The following ATP11A variants were observed in gnomAD, a reference collection of about 807,000 sequenced individuals.
ATP11A encodes ATPase phospholipid transporting 11A, also known as phospholipid-transporting ATPase IH.
A neutral mutation model predicts 154.4 loss-of-function variants in ATP11A; 81 were observed. That is an observed-to-expected ratio of 0.52 (90% CI 0.44 to 0.63). ATP11A has a LOEUF of 0.63. Ranked by LOEUF, ATP11A falls within the 30% of genes least tolerant of loss-of-function variation. ATP11A has a pLI of 0.00. For missense variants in ATP11A, 1,316 were observed against 1,474.3 expected (o/e 0.89, Z 1.76); for synonymous variants, 623 against 585.9 (o/e 1.06, Z -0.91).
At chr13:112,804,461 G>T (rs1309986813) in intron 2 of ATP11A, among the ~76,000 whole-genome samples, 1 of 34,562 alleles carries the variant, frequency 2.9e-5, no homozygotes, top group Non-Finnish European at 5.1e-5. Context: ...TCCCCTCTCT[G>T]CCCTCCTTCC....
At chr13:112,710,811 C>G (rs1274878424) in intron 1 of ATP11A, among the ~76,000 whole-genome samples, 2 of 152,260 alleles carry the variant, frequency 1.3e-5, no homozygotes, top group African/African-American at 2.4e-5. Context: ...AGTCACAGCT[C>G]TGGTTGGTCT....
chr13:112,836,298 G>A (rs761626851), intron 16 of ATP11A, 47 bp downstream of exon 16: 3 of 1,247,428 alleles, frequency 2.4e-6, no homozygotes, highest in South Asian at 1.3e-5. Context: ...CGTGGTGGTT[G>A]TGTTTTATTC....
intron 1 of ATP11A, among the ~76,000 whole-genome samples, chr13:112,712,553 G>A (rs1038306276): frequency 3.3e-5 from 5 of 152,172 alleles, no homozygotes; most frequent in Admixed American, 2.6e-4. Flanking sequence ...AGACAGGCCC[G>A]AAGGACAGGC....
intron 1 of ATP11A, among the ~76,000 whole-genome samples, chr13:112,692,419 A>AG (rs2139437367): frequency 6.6e-6 from 1 of 152,196 alleles, no homozygotes; most frequent in South Asian, 2.1e-4. Flanking sequence ...TCATCTTGGG[A>AG]GGGGGACAGA....
chr13:112,836,985 G>A (rs1186190903), intron 16 of ATP11A, among the ~76,000 whole-genome samples: 1 of 152,174 alleles, frequency 6.6e-6, no homozygotes, highest in East Asian at 1.9e-4. Flanking sequence ...ACAGGTGGAC[G>A]ACCTCGTCTC....
chr13:112,871,135 A>G (rs527451287), intron 25 of ATP11A, among the ~76,000 whole-genome samples: 95 of 152,210 alleles, frequency 6.2e-4, no homozygotes, highest in African/African-American at 2.2e-3. Context: ...CCCCCTCTGC[A>G]TGGGTGCCTG....
rs1225021127 is a variant in ATP11A at position 112,885,978 on chromosome 13, G to C, written c.*4112G>C. 6.6e-6 allele frequency: 1 copy of C among 152,344 alleles called. No homozygotes were observed. The highest frequency in any genetic ancestry group is 1.5e-5 in the Non-Finnish European group (1 of 68,116). 9.4% of individuals were successfully genotyped at this position (152,344 alleles called of 1,614,324 possible). A position where few individuals can be genotyped will look rare whatever the true frequency, so the allele number is the denominator to read the frequency against. ...TTAGGGAGGTCCAGCCTCGCAAGCT[G>C]AAACCTCCCCTCGGCTCAGCCCTAT... On this transcript the variant is annotated 3_prime_UTR_variant, in exon 30 of 30. Coordinates refer to ENST00000375645, the MANE Select transcript of ATP11A (RefSeq NM_015205.3).
intron 2 of ATP11A, among the ~76,000 whole-genome samples, chr13:112,799,353 A>G (rs1014610908): frequency 1.3e-5 from 2 of 152,224 alleles, no homozygotes; most frequent in Non-Finnish European, 2.9e-5. Flanking sequence ...TGTGTGAGCA[A>G]CAAGGCTGTT....
At chr13:112,828,689 T>C (rs1239823367) in intron 12 of ATP11A, among the ~76,000 whole-genome samples, 6 of 152,196 alleles carry the variant, frequency 3.9e-5, no homozygotes, top group Non-Finnish European at 1.5e-5. Flanking sequence ...AAACAGAATT[T>C]AATTTCTGTT....
At chr13:112,861,126 A>G (rs965734997) in intron 24 of ATP11A, among the ~76,000 whole-genome samples, 4 of 152,104 alleles carry the variant, frequency 2.6e-5, no homozygotes, top group Admixed American at 2.6e-4. Context: ...ACTTTCCTTT[A>G]TAAAACCATC....
At chr13:112,782,204 T>C (rs2077517354) in intron 1 of ATP11A, among the ~76,000 whole-genome samples, 1 of 152,212 alleles carries the variant, frequency 6.6e-6, no homozygotes, top group South Asian at 2.1e-4. Context: ...CCATTCATCC[T>C]GATCGTTCCT....
chr13:112,692,687 T>A (rs1372136016), intron 1 of ATP11A, among the ~76,000 whole-genome samples: 1 of 152,222 alleles, frequency 6.6e-6, no homozygotes, highest in Non-Finnish European at 1.5e-5. Context: ...TCATTCCACC[T>A]GTGTTTTTTG....
At chr13:112,756,140 T>C in intron 1 of ATP11A, among the ~76,000 whole-genome samples, 1 of 152,238 alleles carries the variant, frequency 6.6e-6, no homozygotes, top group Admixed American at 6.5e-5. Context: ...TTGACATATG[T>C]TGATTATAAT....
At chr13:112,695,069 CCT>C (rs1329598201) in intron 1 of ATP11A, among the ~76,000 whole-genome samples, 4 of 152,130 alleles carry the variant, frequency 2.6e-5, no homozygotes, top group Non-Finnish European at 5.9e-5. Flanking sequence ...TATGCCAGCC[CCT>C]GTTTTAAAAT....
chr13:112,781,072 G>A (rs1051574537), intron 1 of ATP11A, among the ~76,000 whole-genome samples: 2 of 151,994 alleles, frequency 1.3e-5, no homozygotes, highest in African/African-American at 4.8e-5. Context: ...ACGGAGCCTC[G>A]GTCTGTCATC....
chr13:112,819,941 C>G lies in ATP11A; in HGVS notation c.716C>G (p.Pro239Arg). Residue 239 changes from proline (P) to arginine (R), a missense_variant, in exon 8 of 30, where the codon CCC becomes CGC. Coordinates refer to ENST00000375645, the MANE Select transcript of ATP11A (RefSeq NM_015205.3). ...AACGTTTACAGTGACCTGAATGACC[C>G]CGTGGTGAGGTGAGTGCCTCTGCGG... The part of the protein sequence containing the change: ...RINVYSDLND[P>R]VVRPLGSENL... The G allele has an allele frequency of 1.2e-6, 2 of 1,608,970 alleles. No homozygotes were observed. The highest frequency in any genetic ancestry group is 1.7e-6 in the Non-Finnish European group (2 of 1,177,528).
At chr13:112,835,069 C>G (rs1215282507) in intron 15 of ATP11A, among the ~76,000 whole-genome samples, 2 of 152,282 alleles carry the variant, frequency 1.3e-5, no homozygotes. Context: ...AGGGAGGAAC[C>G]CTGGCTCACG....
In ATP11A at chr13:112,831,509, A is replaced by C. The variant is rs1594821224; in HGVS notation, c.1356A>C (p.Gly452=). Residue 452 remains glycine, a synonymous_variant, in exon 13 of 30, where the codon GGA becomes GGC. Transcript: ENST00000375645. ...GGCAGGTCCTCCCAGAGTCGTCAGG[A>C]ATCGACATGATTGACTCGTCCCCCA... is the stretch of plus-strand genomic sequence containing the variant. The part of the protein sequence containing the change: ...CNGQVLPESS[G]IDMIDSSPSV... The C allele has an allele frequency of 6.2e-7, 1 of 1,614,014 alleles. No homozygotes were observed. The highest frequency in any genetic ancestry group is 1.3e-5 in the African/African-American group (1 of 74,918).
At chr13:112,727,404 TTTAC>T (rs531692401) in intron 1 of ATP11A, among the ~76,000 whole-genome samples, 59 of 152,336 alleles carry the variant, frequency 3.9e-4, no homozygotes, top group African/African-American at 1.4e-3. Context: ...ACTATATTTA[TTTAC>T]TTTATTCAAC....
Sources: allele counts gnomAD v4.1 joint callset (sites outside exome capture counted in the v4.1 genomes callset), GRCh38; gene constraint gnomAD v4.1.1; transcripts MANE v1.5; gene names NCBI Gene and HGNC (gene_info 2026-07-23, HGNC 2026-07-21).